Variants in SASH1 observed in about 807,000 individuals in gnomAD.
SASH1 encodes the protein SAM and SH3 domain-containing protein 1.
Under a neutral mutation model 125.2 loss-of-function variants are expected in SASH1, and 44 were observed. That is an observed-to-expected ratio of 0.35 (90% CI 0.28 to 0.45). The LOEUF (loss-of-function observed/expected upper bound fraction) is 0.45, where lower values mean the gene tolerates loss of function less well. Among genes scored for constraint, SASH1 ranks in the 20% least tolerant of loss-of-function variants. SASH1 has a pLI of 1.00. For synonymous variants in SASH1, 639 were observed against 649.1 expected, an observed-to-expected ratio of 0.98 and a Z score of 0.24; for missense variants, 1,426 against 1,614.5, an observed-to-expected ratio of 0.88 and a Z score of 2.00.
At chr6:148,312,504 G>C (rs919955174) in intron 1 of SASH1, among the ~76,000 whole-genome samples, 2 of 152,104 alleles carry the variant, frequency 1.3e-5, no homozygotes, top group African/African-American at 4.8e-5. Flanking sequence ...GTGAGATCCT[G>C]CTATTAATAA....
At chr6:148,203,588 C>T in the SASH1 span, among the ~76,000 whole-genome samples, 118 of 152,264 alleles carry the variant, frequency 7.7e-4, no homozygotes, top group Admixed American at 1.4e-3. Flanking sequence ...CTTATATTAA[C>T]GTGTTTATGT....
At chr6:148,394,234 GA>G (rs1783854462) in intron 2 of SASH1, among the ~76,000 whole-genome samples, 1 of 152,038 alleles carries the variant, frequency 6.6e-6, no homozygotes, top group Non-Finnish European at 1.5e-5. Context: ...AGTTGCAGTG[GA>G]AAAGGGAAAT....
chr6:148,358,387 T>C (rs1373096448), intron 1 of SASH1, among the ~76,000 whole-genome samples: 2 of 152,194 alleles, frequency 1.3e-5, no homozygotes, highest in African/African-American at 2.4e-5. Context: ...AATTATGCAA[T>C]GCAGTTGGCA....
chr6:148,223,730 G>A, the SASH1 span, among the ~76,000 whole-genome samples: 3 of 152,164 alleles, frequency 2.0e-5, no homozygotes, highest in African/African-American at 7.2e-5. Context: ...CAAAAAAATA[G>A]ACTTAGCCTA....
rs144190822 is a variant in SASH1, at chr6:148,395,737, C to T, written c.285+5475C>T. Among the ~76,000 whole-genome samples, 49 of 152,202 alleles carry T rather than the reference C, an allele frequency of 3.2e-4. 1 individual carries two copies. The highest frequency in any genetic ancestry group is 1.1e-3 in the African/African-American group (45 of 41,540). On this transcript the variant is annotated intron_variant, in intron 2 of 19. Transcript: ENST00000367467. The stretch of plus-strand genomic sequence containing the variant: ...CCACATTTGGCACAATCCCTGGGCA[C>T]CATGTGTTTTTTTGGCTGGGAGAAG...
intron 2 of SASH1, among the ~76,000 whole-genome samples, chr6:148,391,322 C>G (rs1373401049): frequency 2.0e-5 from 3 of 151,428 alleles, no homozygotes; most frequent in Non-Finnish European, 4.4e-5. Context: ...TTGGTCAGGC[C>G]GATCTTGAAC....
chr6:148,198,753 T>C, the SASH1 span, among the ~76,000 whole-genome samples: 3 of 150,376 alleles, frequency 2.0e-5, no homozygotes, highest in African/African-American at 7.6e-5. Flanking sequence ...TTTATAATTG[T>C]TGTTGTTTTA....
chr6:148,519,577 C>A lies in SASH1; in HGVS notation c.893C>A (p.Pro298Gln), dbSNP rs35078400. 1,732 of 1,613,954 alleles carry A rather than the reference C, an allele frequency of 1.1e-3. 17 individuals carry two copies. The African/African-American group carries it at 0.021, about 19-fold the overall frequency. The change falls in exon 10 of 20, where the codon CCG becomes CAG. Residue 298 changes from proline (P) to glutamine (Q), a missense_variant. By Grantham distance (76) the Pro-to-Gln change is moderately conservative. Coordinates refer to ENST00000367467, the MANE Select transcript of SASH1 (RefSeq NM_015278.5). The surrounding 1 kb of genome is among the most constrained non-coding windows in gnomAD (Gnocchi z 4.8). ...GGEEHVFENSPVLDERSALYS... is the reference protein window; with the variant it reads ...GGEEHVFENSQVLDERSALYS... The stretch of plus-strand genomic sequence containing the variant: ...GAGGAGCACGTGTTTGAGAATTCGC[C>A]GGTCCTGGATGAACGGTCCGCCCTC...
At chr6:148,451,359 C>T (rs1777093284) in intron 4 of SASH1, among the ~76,000 whole-genome samples, 1 of 152,180 alleles carries the variant, frequency 6.6e-6, no homozygotes, top group African/African-American at 2.4e-5. Flanking sequence ...TTGTAAATAT[C>T]AACATTATAA....
intron 1 of SASH1, among the ~76,000 whole-genome samples, chr6:148,307,080 C>CTTTCTTTCTT (rs1328929314): frequency 6.9e-6 from 1 of 145,130 alleles, no homozygotes; most frequent in African/African-American, 2.6e-5. Flanking sequence ...TTCTTTCTTT[C>CTTTCTTTCTT]TTTCTTTCTT....
At chr6:148,316,325 CA>C (rs1780479467) in intron 1 of SASH1, among the ~76,000 whole-genome samples, 1 of 152,142 alleles carries the variant, frequency 6.6e-6, no homozygotes, top group African/African-American at 2.4e-5. Context: ...CAGCGTGGGG[CA>C]GACTGGCCTC....
the SASH1 span, among the ~76,000 whole-genome samples, chr6:148,230,347 T>C: frequency 1.3e-5 from 2 of 152,160 alleles, no homozygotes; most frequent in Non-Finnish European, 2.9e-5. Context: ...TCTTTTTCTT[T>C]TCTTTTTTTT....
chr6:148,531,138 T>G (rs1460333495), intron 12 of SASH1, among the ~76,000 whole-genome samples: 1 of 152,212 alleles, frequency 6.6e-6, no homozygotes, highest in Admixed American at 6.5e-5. Flanking sequence ...ATCCTCTGAC[T>G]ACACTTCCAG....
At chr6:148,230,591 T>C in the SASH1 span, among the ~76,000 whole-genome samples, 2 of 152,208 alleles carry the variant, frequency 1.3e-5, no homozygotes. Flanking sequence ...TTTTCCAAAG[T>C]GCACCCTTGC....
chr6:148,364,275 A>G (rs771807964), intron 1 of SASH1, among the ~76,000 whole-genome samples: 1 of 152,138 alleles, frequency 6.6e-6, no homozygotes, highest in Non-Finnish European at 1.5e-5. Flanking sequence ...TCACGTTGAG[A>G]TCGAGAAGGA....
chr6:148,535,965 C>G (rs1219763450), intron 16 of SASH1, among the ~76,000 whole-genome samples: 17 of 152,170 alleles, frequency 1.1e-4, no homozygotes. Flanking sequence ...TTCCCTTCTG[C>G]TAAATAGGCA....
At chr6:148,393,849 G>T in intron 2 of SASH1, 25 of 261,476 alleles carry the variant, frequency 9.6e-5, no homozygotes, top group South Asian at 1.5e-4. Flanking sequence ...TAGTTAGCAA[G>T]TAAGACCCCA....
chr6:148,343,533 GTAAA>G (rs1781414842), intron 1 of SASH1, among the ~76,000 whole-genome samples: 1 of 152,198 alleles, frequency 6.6e-6, no homozygotes. Context: ...AAAAGTAGAT[GTAAA>G]TAAATATTTG....
chr6:148,541,836 T>G (rs1479068772), intron 17 of SASH1, among the ~76,000 whole-genome samples: 1 of 152,172 alleles, frequency 6.6e-6, no homozygotes, highest in Non-Finnish European at 1.5e-5. Context: ...GCCCTGCTAT[T>G]CAAGGTTTTC....
Sources: allele counts gnomAD v4.1 joint callset (sites outside exome capture counted in the v4.1 genomes callset), GRCh38; gene constraint gnomAD v4.1.1; non-coding constraint Gnocchi (gnomAD v3.1); transcripts MANE v1.5; gene names NCBI Gene and HGNC (gene_info 2026-07-23, HGNC 2026-07-21).